NLGN1: variants seen among roughly 807,000 people sequenced by gnomAD.
NLGN1 encodes the protein neuroligin 1.
Under a neutral mutation model 65.5 loss-of-function variants are expected in NLGN1, and 12 were observed. That is an observed-to-expected ratio of 0.18 (90% CI 0.12 to 0.30). The LOEUF (loss-of-function observed/expected upper bound fraction) is 0.30, where lower values mean the gene tolerates loss of function less well. NLGN1 is among the 10% of genes least tolerant of loss of function. The pLI is 1.00. For synonymous variants in NLGN1, 350 were observed against 359.5 expected (o/e 0.97, Z 0.30); for missense variants, 750 against 1,007.1 (o/e 0.74, Z 3.46).
intron 2 of NLGN1, among the ~76,000 whole-genome samples, chr3:173,477,029 G>A (rs905537717): frequency 3.3e-5 from 5 of 152,126 alleles, no homozygotes; most frequent in Admixed American, 2.6e-4. Flanking sequence ...TTCATGTTTT[G>A]ATTTGTTGAA....
intron 4 of NLGN1, among the ~76,000 whole-genome samples, chr3:173,891,161 TTGACAGGTAA>T (rs1469661379): frequency 6.6e-6 from 1 of 152,166 alleles, no homozygotes; most frequent in African/African-American, 2.4e-5. Context: ...GTCATACAGG[TTGACAGGTAA>T]TGACAGCAAA....
chr3:174,198,822 G>A (rs1733913246), intron 4 of NLGN1, among the ~76,000 whole-genome samples: 1 of 142,708 alleles, frequency 7.0e-6, no homozygotes, highest in South Asian at 2.3e-4. Flanking sequence ...AATCTCTTTT[G>A]ATCTGGCCTC....
At chr3:173,539,687 T>C (rs1366411807) in intron 2 of NLGN1, among the ~76,000 whole-genome samples, 3 of 136,572 alleles carry the variant, frequency 2.2e-5, no homozygotes, top group Admixed American at 7.5e-5. Flanking sequence ...AACATACATA[T>C]ATGTACATAT....
intron 4 of NLGN1, among the ~76,000 whole-genome samples, chr3:173,810,714 TC>T (rs1717746880): frequency 6.6e-6 from 1 of 152,182 alleles, no homozygotes. Flanking sequence ...TGCCAATTTT[TC>T]AGTTTAAAGA....
At chr3:173,529,847 G>T (rs1009698054) in intron 2 of NLGN1, among the ~76,000 whole-genome samples, 3 of 152,166 alleles carry the variant, frequency 2.0e-5, no homozygotes, top group Non-Finnish European at 4.4e-5. Flanking sequence ...TGGTGGAGTT[G>T]GCTGGTTGGG....
Position 173,901,370 on chromosome 3 carries a change from G to GGT in NLGN1, c.646+93553_646+93554dup, listed in dbSNP as rs942723739. ...GAAAAACTAGTATTTTTTTTGGGGG[G>GGT]GTGTGTGTGTGTGTGTTTAAAAACA... On this transcript the variant is annotated intron_variant, in intron 4 of 6. Coordinates refer to ENST00000457714, the Ensembl canonical transcript of NLGN1. Among the ~76,000 whole-genome samples the GGT allele has an allele frequency of 6.6e-4, 98 of 149,118 alleles. 1 individual carries two copies. The Middle Eastern group carries it at 0.01, about 16-fold the overall frequency.
intron 1 of NLGN1, among the ~76,000 whole-genome samples, chr3:173,410,073 T>C (rs1168143523): frequency 6.6e-6 from 1 of 152,152 alleles, no homozygotes; most frequent in Non-Finnish European, 1.5e-5. Flanking sequence ...TGCTGCTAAG[T>C]TAGTACTAAA....
intron 4 of NLGN1, among the ~76,000 whole-genome samples, chr3:174,042,397 G>A (rs1421622325): frequency 6.6e-6 from 1 of 152,084 alleles, no homozygotes; most frequent in African/African-American, 2.4e-5. Context: ...TGTGGCGTGA[G>A]GTAGATGTTG....
At chr3:173,847,504 A>G (rs1381357437) in intron 4 of NLGN1, among the ~76,000 whole-genome samples, 2 of 152,192 alleles carry the variant, frequency 1.3e-5, no homozygotes, top group Non-Finnish European at 2.9e-5. Context: ...AGCTTTAAAG[A>G]CTGGCTTATT....
chr3:174,022,742 G>A (rs1324542514), intron 4 of NLGN1, among the ~76,000 whole-genome samples: 1 of 152,042 alleles, frequency 6.6e-6, no homozygotes, highest in Admixed American at 6.6e-5. Flanking sequence ...TTTGATGCAG[G>A]GGGTATCTTT....
chr3:173,747,510 G>A (rs1289388063), intron 3 of NLGN1, among the ~76,000 whole-genome samples: 1 of 150,076 alleles, frequency 6.7e-6, no homozygotes, highest in Non-Finnish European at 1.5e-5. Flanking sequence ...AGGATGGTTT[G>A]TCCCTGCATT....
intron 4 of NLGN1, among the ~76,000 whole-genome samples, chr3:174,087,635 G>A (rs1350660027): frequency 1.3e-5 from 2 of 151,994 alleles, no homozygotes; most frequent in African/African-American, 2.4e-5. Flanking sequence ...TTTCATGACT[G>A]TGTATCCTGG....
intron 4 of NLGN1, among the ~76,000 whole-genome samples, chr3:173,838,218 T>TAA (rs35482273): frequency 9.9e-4 from 146 of 148,050 alleles, no homozygotes; most frequent in South Asian, 3.0e-3. Context: ...CAGGGAAAAT[T>TAA]AAAAAAAAAA....
At chr3:174,291,083 T>C (rs1483980655), downstream of NLGN1, among the ~76,000 whole-genome samples, 1 of 150,414 alleles carries the variant, frequency 6.6e-6, no homozygotes. Context: ...CAAAGAATGC[T>C]TTAAGAGACA....
intron 2 of NLGN1, among the ~76,000 whole-genome samples, chr3:173,500,028 T>C (rs1311592174): frequency 6.6e-6 from 1 of 152,108 alleles, no homozygotes; most frequent in Non-Finnish European, 1.5e-5. Flanking sequence ...CTTTTCCTAA[T>C]TGAATACCCT....
chr3:173,748,595 T>C (rs1223342422), intron 3 of NLGN1, among the ~76,000 whole-genome samples: 1 of 152,100 alleles, frequency 6.6e-6, no homozygotes, highest in African/African-American at 2.4e-5. Flanking sequence ...GACTGCCTAA[T>C]TTACATGTTA....
chr3:174,228,105 T>C (rs554270064), intron 4 of NLGN1, among the ~76,000 whole-genome samples: 22 of 152,206 alleles, frequency 1.4e-4, no homozygotes, highest in African/African-American at 4.8e-4. Context: ...TGTTTATCAA[T>C]TGGTTCTTCC....
Position 173,946,988 on chromosome 3 carries a change from T to C in NLGN1, c.646+139156T>C, listed in dbSNP as rs145668679. ...GTGGACTGGGAATTGCCTTCACTTG[T>C]CTGTGTAATGTAGTGAGCAGTGGAA... On this transcript the variant is annotated intron_variant, in intron 4 of 6. Transcript: ENST00000457714. Among the ~76,000 whole-genome samples the C allele has an allele frequency of 3.2e-3, 493 of 152,172 alleles. 2 individuals are homozygous for C. The highest frequency in any genetic ancestry group is 0.011 in the African/African-American group (464 of 41,500).
intron 4 of NLGN1, among the ~76,000 whole-genome samples, chr3:174,023,028 A>T (rs988432434): frequency 4.6e-5 from 7 of 152,168 alleles, no homozygotes; most frequent in Admixed American, 2.0e-4. Context: ...AAGAAGCTTT[A>T]TTGATATAAA....
Sources: gnomAD v4.1 joint callset for allele counts (sites outside exome capture counted in the v4.1 genomes callset) on GRCh38, gnomAD v4.1.1 for gene constraint, MANE v1.5 for transcripts, NCBI Gene and HGNC (gene_info 2026-07-23, HGNC 2026-07-21) for gene names.